SETBP1: variants seen among roughly 807,000 people sequenced by gnomAD.
SETBP1 encodes SET binding protein 1.
A neutral mutation model predicts 101.0 loss-of-function variants in SETBP1; 9 were observed. The observed-to-expected ratio is 0.09, with a 90% CI of 0.05 to 0.16. The LOEUF (loss-of-function observed/expected upper bound fraction) is 0.16, where lower values mean the gene tolerates loss of function less well. Among genes scored for constraint, SETBP1 ranks in the 10% least tolerant of loss-of-function variants. The probability of loss-of-function intolerance (pLI) is 1.00; values close to 1 mark genes in which losing one functional copy is unlikely to be tolerated. For synonymous variants in SETBP1, 818 were observed against 788.5 expected (o/e 1.04, Z -0.63); for missense variants, 1,858 against 2,033.8 (o/e 0.91, Z 1.66).
At chr18:44,739,996 G>T (rs1414499523) in intron 2 of SETBP1, among the ~76,000 whole-genome samples, 1 of 152,226 alleles carries the variant, frequency 6.6e-6, no homozygotes, top group Non-Finnish European at 1.5e-5. Flanking sequence ...CAGAGGATGA[G>T]ATCGTCTTGT....
At chr18:44,823,909 G>A (rs1003676153) in intron 2 of SETBP1, among the ~76,000 whole-genome samples, 1 of 152,172 alleles carries the variant, frequency 6.6e-6, no homozygotes, top group Non-Finnish European at 1.5e-5. Flanking sequence ...TTGAATTTAA[G>A]AGAAAACAAT....
chr18:45,051,683 T>C (rs2073724199), intron 5 of SETBP1, among the ~76,000 whole-genome samples: 1 of 152,200 alleles, frequency 6.6e-6, no homozygotes, highest in Non-Finnish European at 1.5e-5. Flanking sequence ...GGACCCATCG[T>C]TTCAGTCAAT....
chr18:44,883,966 CTAAT>C (rs1488428853), intron 3 of SETBP1, among the ~76,000 whole-genome samples: 1 of 152,196 alleles, frequency 6.6e-6, no homozygotes, highest in African/African-American at 2.4e-5. Context: ...TTCTGCTAAA[CTAAT>C]TGCTCCCCAA....
At chr18:44,826,375 T>C (rs2072237862) in intron 2 of SETBP1, among the ~76,000 whole-genome samples, 1 of 152,134 alleles carries the variant, frequency 6.6e-6, no homozygotes, top group South Asian at 2.1e-4. Context: ...TTTGTACCTG[T>C]TGGGTCTGCC....
At position 45,037,310 on chromosome 18, in the gene SETBP1, C is replaced by A. The variant is rs148351824; in HGVS notation, c.4001-1175C>A. ...TTGCATTGGGGTTGGAGGGAAGGTGCCCATATATTCTTAGTCATGTCAGGG... is the reference window on the plus strand; with the variant it reads ...TTGCATTGGGGTTGGAGGGAAGGTGACCATATATTCTTAGTCATGTCAGGG... On this transcript the variant is annotated intron_variant, in intron 4 of 5. Coordinates refer to ENST00000649279, the MANE Select transcript of SETBP1 (RefSeq NM_015559.3). Among the ~76,000 whole-genome samples the A allele has an allele frequency of 8.3e-4, 127 of 152,206 alleles. 4 individuals are homozygous for A. Among genetic ancestry groups the A allele is most frequent in the Non-Finnish European group, 5.1e-4 (35 of 67,994 alleles).
At chr18:44,976,929 C>T (rs1048391747) in intron 4 of SETBP1, among the ~76,000 whole-genome samples, 8 of 152,182 alleles carry the variant, frequency 5.3e-5, no homozygotes, top group Non-Finnish European at 8.8e-5. Flanking sequence ...AAGAACTATA[C>T]GCTTCAGTTT....
intron 4 of SETBP1, among the ~76,000 whole-genome samples, chr18:44,991,765 C>T (rs745807386): frequency 6.6e-5 from 10 of 152,062 alleles, no homozygotes; most frequent in Non-Finnish European, 1.5e-4. Context: ...TATAACAAAT[C>T]AAAGAAAAGC....
rs576957708 is a variant in SETBP1 at position 44,919,643 on chromosome 18, C to A, written c.541-30238C>A. ...GATTACAGGTATGAGCCACCATGCC[C>A]GGCTAGATCCCCCCGTCTTTAAGCT... On this transcript the variant is annotated intron_variant, in intron 3 of 5. Transcript: ENST00000649279. 5.9e-5 allele frequency among the ~76,000 whole-genome samples: 9 copies of A among 151,930 alleles called. No homozygotes were observed. The East Asian group carries it at 1.7e-3, about 29-fold the overall frequency.
At position 44,708,936 on chromosome 18, in the gene SETBP1, G is replaced by A. The variant is rs898921137; in HGVS notation, c.486+7104G>A. Among the ~76,000 whole-genome samples, 9 of 152,210 alleles carry A rather than the reference G, an allele frequency of 5.9e-5. No individual in the cohort carries two copies. The South Asian group carries it at 1.2e-3, about 21-fold the overall frequency. On this transcript the variant is annotated intron_variant, in intron 2 of 5. Coordinates refer to ENST00000649279, the MANE Select transcript of SETBP1 (RefSeq NM_015559.3). Reference sequence around the variant, plus strand: ...GACCTCTGTTTGGACCCACTGTTCCGTCATCAAATTGTTTCCTTTTAGCCC... The same window carrying A: ...GACCTCTGTTTGGACCCACTGTTCCATCATCAAATTGTTTCCTTTTAGCCC...
At chr18:44,884,813 G>A (rs952394900) in intron 3 of SETBP1, among the ~76,000 whole-genome samples, 2 of 152,060 alleles carry the variant, frequency 1.3e-5, no homozygotes, top group African/African-American at 4.8e-5. Flanking sequence ...AAAATAAATG[G>A]CATGGGTAAC....
At chr18:45,031,556 T>C (rs190839476) in intron 4 of SETBP1, among the ~76,000 whole-genome samples, 44 of 152,312 alleles carry the variant, frequency 2.9e-4, no homozygotes, top group African/African-American at 1.0e-3. Context: ...ATGTATACTA[T>C]ACACACTTTA....
rs778015039 is a variant in SETBP1, at chr18:44,952,215, G to A, written c.2875G>A (p.Glu959Lys). 3 of 1,613,998 alleles carry A rather than the reference G, an allele frequency of 1.9e-6. No homozygotes were observed. The highest frequency in any genetic ancestry group is 4.5e-5 in the East Asian group (2 of 44,886). Residue 959 changes from glutamate (E) to lysine (K), a missense_variant, in exon 4 of 6, where the codon GAG becomes AAG. By Grantham distance (56) the Glu-to-Lys change is moderately conservative (BLOSUM62 1). Coordinates refer to ENST00000649279, the MANE Select transcript of SETBP1 (RefSeq NM_015559.3). ...CCTCCAGTTTCTGGCAGACCTGGAG[G>A]AGCTAATCACCAAGTTCCAAGTGTT... ...DDLQFLADLE[E>K]LITKFQVFRI...
chr18:45,063,713 T>A lies in SETBP1; in HGVS notation c.*15T>A. The A allele has an allele frequency of 1.2e-6, 2 of 1,600,314 alleles. No homozygotes were observed. The highest frequency in any genetic ancestry group is 1.7e-6 in the Non-Finnish European group (2 of 1,173,928). ...TCCTTCCCTAGGGCGGGTCTGGGCG[T>A]CTGCACCTGGGGCCTAGGGAACTGA... On this transcript the variant is annotated 3_prime_UTR_variant, in exon 6 of 6. Transcript: ENST00000649279.
chr18:44,874,587 C>T lies in SETBP1; in HGVS notation c.540+5304C>T, dbSNP rs147003410. ...AAGTTTGGTGGCAGAATTAGTGGAC[C>T]AGCAGCTTCTCAGTAGCTAGAGAAT... On this transcript the variant is annotated intron_variant, in intron 3 of 5. Transcript: ENST00000649279. 1.4e-4 allele frequency among the ~76,000 whole-genome samples: 22 copies of T among 152,274 alleles called. No individual in the cohort carries two copies. In the East Asian group the frequency reaches 4.1e-3, roughly 28 times the overall value.
At chr18:44,929,503 T>C (rs1193654609) in intron 3 of SETBP1, among the ~76,000 whole-genome samples, 1 of 152,218 alleles carries the variant, frequency 6.6e-6, no homozygotes, top group Non-Finnish European at 1.5e-5. Context: ...AGGATGGCAT[T>C]GAATCTATAA....
At chr18:44,785,979 T>C (rs2071231364) in intron 2 of SETBP1, among the ~76,000 whole-genome samples, 1 of 152,214 alleles carries the variant, frequency 6.6e-6, no homozygotes, top group African/African-American at 2.4e-5. Flanking sequence ...CCCAAGAGTT[T>C]CCTGCTGTTC....
intron 2 of SETBP1, among the ~76,000 whole-genome samples, chr18:44,840,601 A>C (rs1334816478): frequency 6.6e-6 from 1 of 152,236 alleles, no homozygotes; most frequent in Non-Finnish European, 1.5e-5. Context: ...GGAGTAAAGA[A>C]ACTGTCTTTG....
At chr18:45,009,351 T>G (rs1231595690) in intron 4 of SETBP1, among the ~76,000 whole-genome samples, 1 of 149,954 alleles carries the variant, frequency 6.7e-6, no homozygotes, top group East Asian at 2.0e-4. Context: ...GCCCAAAGCA[T>G]GGAGCGGAGC....
chr18:44,817,961 C>T (rs1400938324), intron 2 of SETBP1, among the ~76,000 whole-genome samples: 2 of 152,208 alleles, frequency 1.3e-5, no homozygotes, highest in Non-Finnish European at 2.9e-5. Flanking sequence ...ATATAAGCTT[C>T]CAGACTTACG....
Sources: gnomAD v4.1 joint callset for allele counts (sites outside exome capture counted in the v4.1 genomes callset) on GRCh38, gnomAD v4.1.1 for gene constraint, MANE v1.5 for transcripts, NCBI Gene and HGNC (gene_info 2026-07-23, HGNC 2026-07-21) for gene names.